Variants in EDNRA observed in about 807,000 individuals in gnomAD.
The protein encoded by EDNRA is endothelin-1 receptor.
In EDNRA, 11 loss-of-function variants were observed where a neutral mutation model predicts 41.4. That is an observed-to-expected ratio of 0.27 (90% confidence interval 0.17 to 0.44). The LOEUF (loss-of-function observed/expected upper bound fraction) is 0.44. Among genes scored for constraint, EDNRA ranks in the 20% least tolerant of loss-of-function variants. EDNRA has a pLI of 1.00. For missense variants in EDNRA, 294 were observed against 531.0 expected (o/e 0.55, Z 4.39); for synonymous variants, 172 against 183.0 (o/e 0.94, Z 0.49).
At chr4:147,526,495 A>G (rs1730553470) in intron 3 of EDNRA, among the ~76,000 whole-genome samples, 1 of 152,186 alleles carries the variant, frequency 6.6e-6, no homozygotes, top group African/African-American at 2.4e-5. Context: ...TTTTTGCTCC[A>G]GCAGGCTCAA....
intron 2 of EDNRA, among the ~76,000 whole-genome samples, chr4:147,502,984 G>A (rs751617312): frequency 2.6e-5 from 4 of 151,884 alleles, no homozygotes; most frequent in Non-Finnish European, 5.9e-5. Context: ...ACCTAAATTC[G>A]TAGGTTTAGT....
At chr4:147,511,236 T>C (rs1010871032) in intron 2 of EDNRA, among the ~76,000 whole-genome samples, 1 of 152,216 alleles carries the variant, frequency 6.6e-6, no homozygotes, top group African/African-American at 2.4e-5. Flanking sequence ...ATCTGAAGTT[T>C]CATAATATGA....
chr4:147,522,998 C>T (rs116759404), intron 3 of EDNRA, among the ~76,000 whole-genome samples: 1,829 of 152,314 alleles, frequency 0.012, 21 homozygotes, highest in Non-Finnish European at 0.019. Context: ...CAGGGTGGTG[C>T]TTCCACGTCA....
At chr4:147,482,619 C>T (rs1221670471) in intron 1 of EDNRA, among the ~76,000 whole-genome samples, 1 of 152,192 alleles carries the variant, frequency 6.6e-6, no homozygotes, top group African/African-American at 2.4e-5. Flanking sequence ...AGGCCTTTGC[C>T]AAGTATCCCT....
chr4:147,485,965 T>A lies in EDNRA; in HGVS notation c.284T>A (p.Met95Lys). Residue 95 changes from methionine to lysine, a missense_variant, in exon 2 of 8, where the codon ATG becomes AAG. By Grantham distance (95) the Met-to-Lys change is moderately conservative. Around this residue, in one of 3 missense-constraint regions of EDNRA, gnomAD observed 90 missense variants for 122.8 expected, o/e 0.73. Transcript: ENST00000651419. ...VISCTIFIVG[M>K]VGNATLLRII... is the part of the protein sequence containing the mutation. Reference sequence around the variant, plus strand: ...TCTTGTACTATTTTCATCGTGGGAATGGTGGGGAATGCAACTCTGCTCAGG... The same window carrying A: ...TCTTGTACTATTTTCATCGTGGGAAAGGTGGGGAATGCAACTCTGCTCAGG... 1 of 1,614,252 alleles carries A rather than the reference T, an allele frequency of 6.2e-7. No homozygotes were observed. The highest frequency in any genetic ancestry group is 8.5e-7 in the Non-Finnish European group (1 of 1,180,038).
At chr4:147,512,232 CT>C (rs553480353) in intron 2 of EDNRA, among the ~76,000 whole-genome samples, 19 of 152,340 alleles carry the variant, frequency 1.2e-4, no homozygotes, top group Admixed American at 1.1e-3. Flanking sequence ...AGATATTCCT[CT>C]TGATTCCCAG....
chr4:147,501,218 T>C (rs1237829943), intron 2 of EDNRA, among the ~76,000 whole-genome samples: 1 of 152,256 alleles, frequency 6.6e-6, no homozygotes, highest in Non-Finnish European at 1.5e-5. Context: ...GAAAAGTAAG[T>C]GCCTGAGGGC....
Position 147,519,235 on chromosome 4 carries a change from T to G in EDNRA, c.421-616T>G, listed in dbSNP as rs553031584. Among the ~76,000 whole-genome samples the G allele has an allele frequency of 6.6e-6, 1 of 152,238 alleles. No homozygotes were observed. The highest frequency in any genetic ancestry group is 1.5e-5 in the Non-Finnish European group (1 of 68,044). On this transcript the variant is annotated intron_variant, in intron 2 of 7. Coordinates refer to ENST00000651419, the MANE Select transcript of EDNRA (RefSeq NM_001957.4). The surrounding 1 kb of genome is among the most constrained non-coding windows in gnomAD (Gnocchi z 4.1). The stretch of plus-strand genomic sequence containing the variant: ...GAGGAAAATGTAAGTTCAAAGTGGC[T>G]TTAGGTGTTAGCTAGCTGCCAAAAT...
intron 1 of EDNRA, among the ~76,000 whole-genome samples, chr4:147,481,604 G>T (rs894558138): frequency 2.6e-5 from 4 of 151,896 alleles, no homozygotes; most frequent in East Asian, 2.0e-4. Flanking sequence ...CACGTGTAGA[G>T]TTCGGGGAAC....
intron 2 of EDNRA, among the ~76,000 whole-genome samples, chr4:147,507,239 A>T (rs1454864121): frequency 6.6e-6 from 1 of 152,082 alleles, no homozygotes; most frequent in Non-Finnish European, 1.5e-5. Flanking sequence ...CCTGTACATT[A>T]ACACTCACAG....
intron 2 of EDNRA, among the ~76,000 whole-genome samples, chr4:147,504,957 C>CAAAAAAAAAAAAAAAAAAAAAA (rs57911108): frequency 2.6e-5 from 1 of 39,048 alleles, no homozygotes. Flanking sequence ...GACCCTGTCT[C>CAAAAAAAAAAAAAAAAAAAAAA]AAAAAAAAAA....
At chr4:147,505,215 AAGAG>A (rs60042535) in intron 2 of EDNRA, among the ~76,000 whole-genome samples, 26,641 of 134,454 alleles carry the variant, frequency 0.2, 3,017 homozygotes, top group African/African-American at 0.35. Context: ...AAAAAAAAAA[AAGAG>A]AGAGAGAGAG....
chr4:147,528,448 C>T (rs1280296188), intron 3 of EDNRA, among the ~76,000 whole-genome samples: 6 of 150,616 alleles, frequency 4.0e-5, no homozygotes, highest in African/African-American at 1.5e-4. Flanking sequence ...GGCTCAACCT[C>T]CCTGGGCTCA....
Position 147,500,722 on chromosome 4 carries a change from G to A in EDNRA, c.420+14621G>A, listed in dbSNP as rs149503139. Reference sequence around the variant, plus strand: ...AAAAAATGTTGGGAGGAAAGGACAGGGGAGCTACAGGGGATGGAGGTAAAA... The same window carrying A: ...AAAAAATGTTGGGAGGAAAGGACAGAGGAGCTACAGGGGATGGAGGTAAAA... On this transcript the variant is annotated intron_variant, in intron 2 of 7. Coordinates refer to ENST00000651419, the MANE Select transcript of EDNRA (RefSeq NM_001957.4). Among the ~76,000 whole-genome samples, 1,406 of 150,392 alleles carry A rather than the reference G, an allele frequency of 9.3e-3. 19 individuals carry two copies. Among genetic ancestry groups the A allele is most frequent in the African/African-American group, 0.033 (1,328 of 40,346 alleles).
intron 4 of EDNRA, among the ~76,000 whole-genome samples, chr4:147,535,244 T>C (rs1243306582): frequency 1.3e-5 from 2 of 152,222 alleles, no homozygotes; most frequent in East Asian, 3.8e-4. Context: ...ATACCAGATA[T>C]GCTTCAGTTG....
Position 147,542,755 on chromosome 4 carries a change from A to G in EDNRA, c.*137A>G, listed in dbSNP as rs5336. ...CCACACCCAAGAAGAAATGCTTTCC[A>G]AAACCGCAAGGGTAGACTGGTTTAT... On this transcript the variant is annotated 3_prime_UTR_variant, in exon 8 of 8. Transcript: ENST00000651419. 5.6e-4 allele frequency: 662 copies of G among 1,184,522 alleles called. 1 individual carries two copies. In the African/African-American group the frequency reaches 9.0e-3, roughly 16 times the overall value. The allele number at this position is 1,184,522 out of a possible 1,614,324, so 73.4% of individuals were successfully genotyped here.
At chr4:147,534,319 A>G (rs1425156926) in intron 4 of EDNRA, among the ~76,000 whole-genome samples, 13 of 152,228 alleles carry the variant, frequency 8.5e-5, no homozygotes, top group Non-Finnish European at 1.5e-4. Flanking sequence ...TTTTAAGTTC[A>G]GGACTGAAAT....
intron 2 of EDNRA, among the ~76,000 whole-genome samples, chr4:147,503,997 A>T (rs1729603444): frequency 6.6e-6 from 1 of 152,112 alleles, no homozygotes; most frequent in African/African-American, 2.4e-5. Flanking sequence ...AAAAAATGGC[A>T]TTGTTTTACA....
intron 7 of EDNRA, 28 bp from the exon 8 acceptor site, chr4:147,542,450 C>T (rs763826708): frequency 1.2e-6 from 2 of 1,613,700 alleles, no homozygotes; most frequent in Admixed American, 1.7e-5. Flanking sequence ...GTAGGCTCGC[C>T]TTACTTCGAG....
Sources: allele counts gnomAD v4.1 joint callset (sites outside exome capture counted in the v4.1 genomes callset), GRCh38; gene constraint gnomAD v4.1.1; regional missense constraint gnomAD v4.1.1; non-coding constraint Gnocchi (gnomAD v3.1); transcripts MANE v1.5; gene names NCBI Gene and HGNC (gene_info 2026-07-23, HGNC 2026-07-21).